Variants in KLF8 observed in about 807,000 individuals in gnomAD.
The protein encoded by KLF8 is KLF transcription factor 8.
Under a neutral mutation model 18.2 loss-of-function variants are expected in KLF8, and 10 were observed. The ratio of observed to expected loss-of-function variants is 0.55; its 90% CI spans 0.34 to 0.93. KLF8 has a LOEUF of 0.93. Ranked by LOEUF, KLF8 falls within the 40% of genes least tolerant of loss-of-function variation. The pLI, the probability that KLF8 is intolerant of heterozygous loss-of-function variation, is 0.02. For synonymous variants in KLF8, 109 were observed against 97.3 expected (o/e 1.12, Z -0.71); for missense variants, 264 against 277.9 (o/e 0.95, Z 0.36).
chrX:56,138,439 C>T, the KLF8 span, among the ~76,000 whole-genome samples: 2 of 111,611 alleles, frequency 1.8e-5, no homozygotes, highest in Non-Finnish European at 3.8e-5. Flanking sequence ...CAAACCAAAT[C>T]CAGCAGCTAC....
chrX:56,070,999 G>A, the KLF8 span, among the ~76,000 whole-genome samples: 1 of 111,786 alleles, frequency 8.9e-6, no homozygotes, highest in Non-Finnish European at 1.9e-5. Flanking sequence ...AACATCCTGT[G>A]AAGAGTGAAA....
intron 5 of KLF8, among the ~76,000 whole-genome samples, chrX:56,281,544 G>T (rs978465423): frequency 1.8e-5 from 2 of 111,214 alleles, no homozygotes; most frequent in Admixed American, 9.6e-5. Flanking sequence ...CAAGTAGCGG[G>T]ACTACAGGTG....
chrX:55,943,500 T>G, the KLF8 span, among the ~76,000 whole-genome samples: 1 of 111,585 alleles, frequency 9.0e-6, no homozygotes, highest in Non-Finnish European at 1.9e-5. Context: ...ACTAGGTTTC[T>G]GATGACTAGC....
the KLF8 span, among the ~76,000 whole-genome samples, chrX:56,173,422 T>C: frequency 8.9e-6 from 1 of 111,782 alleles, no homozygotes; most frequent in African/African-American, 3.3e-5. Context: ...TAAGCAGCAT[T>C]ATTTCTGAAG....
the KLF8 span, among the ~76,000 whole-genome samples, chrX:56,013,145 A>G: frequency 7.1e-5 from 8 of 112,899 alleles, no homozygotes; most frequent in Non-Finnish European, 9.4e-5. Context: ...TACCTCTTGC[A>G]TCAGCAAGAC....
chrX:56,034,905 G>C, the KLF8 span, among the ~76,000 whole-genome samples: 2 of 105,606 alleles, frequency 1.9e-5, no homozygotes, highest in African/African-American at 3.5e-5. Flanking sequence ...ACAGGCGCCC[G>C]CTACCACGCC....
At chrX:56,166,681 T>C in the KLF8 span, among the ~76,000 whole-genome samples, 2 of 112,201 alleles carry the variant, frequency 1.8e-5, no homozygotes, top group Admixed American at 1.9e-4. Context: ...TTCAGGGCTC[T>C]TTAGTGTCCC....
the KLF8 span, among the ~76,000 whole-genome samples, chrX:56,067,338 G>T: frequency 2.8e-5 from 3 of 108,759 alleles, no homozygotes; most frequent in East Asian, 6.0e-4. Context: ...TTACATATCA[G>T]ATTTTTGTTA....
At chrX:56,096,935 C>CT in the KLF8 span, among the ~76,000 whole-genome samples, 1 of 111,233 alleles carries the variant, frequency 9.0e-6, no homozygotes, top group Non-Finnish European at 1.9e-5. Flanking sequence ...GTGAACAACT[C>CT]TATGCCTATA....
chrX:56,039,582 G>T, the KLF8 span, among the ~76,000 whole-genome samples: 1 of 111,254 alleles, frequency 9.0e-6, no homozygotes, highest in Non-Finnish European at 1.9e-5. Flanking sequence ...TATTCCATTG[G>T]TCAATGTTTC....
chrX:56,113,554 GTTTTTTT>G, the KLF8 span, among the ~76,000 whole-genome samples: 2 of 34,662 alleles, frequency 5.8e-5, no homozygotes, highest in Admixed American at 4.6e-4. Context: ...GGCAGGGATA[GTTTTTTT>G]TTTTTTTTTT....
chrX:55,981,320 G>C, the KLF8 span, among the ~76,000 whole-genome samples: 8 of 112,290 alleles, frequency 7.1e-5, no homozygotes, highest in African/African-American at 2.6e-4. Context: ...AAAGTTTAGT[G>C]GTCACAGTTT....
the KLF8 span, among the ~76,000 whole-genome samples, chrX:56,173,663 G>A: frequency 5.4e-5 from 6 of 111,736 alleles, no homozygotes; most frequent in African/African-American, 1.6e-4. Context: ...GATGGGGATA[G>A]CATTGAATCT....
At chrX:56,057,324 A>G in the KLF8 span, among the ~76,000 whole-genome samples, 13 of 110,944 alleles carry the variant, frequency 1.2e-4, no homozygotes, top group East Asian at 1.7e-3. Flanking sequence ...TCTGACTGCA[A>G]TGGTGGTTTG....
the KLF8 span, among the ~76,000 whole-genome samples, chrX:56,195,117 G>A: frequency 2.7e-5 from 3 of 112,337 alleles, no homozygotes; most frequent in African/African-American, 6.5e-5. Flanking sequence ...AAACCACAAA[G>A]AGGAGGAGAA....
At chrX:56,201,927 T>C in the KLF8 span, among the ~76,000 whole-genome samples, 3 of 111,817 alleles carry the variant, frequency 2.7e-5, no homozygotes, top group South Asian at 1.1e-3. Context: ...TGGAACAGCA[T>C]GGAGCCATGA....
intron 2 of KLF8, among the ~76,000 whole-genome samples, chrX:56,264,351 TG>T (rs199991065): frequency 4.8e-4 from 53 of 110,770 alleles, no homozygotes; most frequent in African/African-American, 1.6e-3. Context: ...ATGTATTTAT[TG>T]GTTTTTTAAA....
At chrX:56,205,041 G>A in the KLF8 span, among the ~76,000 whole-genome samples, 3 of 110,734 alleles carry the variant, frequency 2.7e-5, no homozygotes, top group South Asian at 3.8e-4. Context: ...GGAAAATGGA[G>A]GTTGTCTATT....
chrX:56,195,315 C>T, the KLF8 span, among the ~76,000 whole-genome samples: 1 of 111,603 alleles, frequency 9.0e-6, no homozygotes, highest in South Asian at 3.8e-4. Context: ...AAACTCATCA[C>T]AAGGAAGCTA....
Sources: allele counts gnomAD v4.1 joint callset (sites outside exome capture counted in the v4.1 genomes callset), GRCh38; gene constraint gnomAD v4.1.1; transcripts MANE v1.5; gene names NCBI Gene and HGNC (gene_info 2026-07-23, HGNC 2026-07-21).